Variants in ZPBP observed in about 807,000 individuals in gnomAD.
ZPBP encodes zona pellucida-binding protein 1.
ZPBP carries 26 observed loss-of-function variants against 44.8 expected under a neutral mutation model. The observed-to-expected ratio is 0.58, with a 90% CI of 0.43 to 0.81. The LOEUF (loss-of-function observed/expected upper bound fraction) is 0.81, where lower values mean the gene tolerates loss of function less well. Ranked by LOEUF, ZPBP falls within the 30% of genes least tolerant of loss-of-function variation. The pLI, the probability that ZPBP is intolerant of heterozygous loss-of-function variation, is 0.00. For synonymous variants in ZPBP, 174 were observed against 153.2 expected (o/e 1.14, Z -1.00); for missense variants, 409 against 434.0 (o/e 0.94, Z 0.51).
At chr7:49,913,150 TCTATC>T (rs1299084010) in intron 1 of ZPBP, 1 of 152,194 alleles carries the variant, frequency 6.6e-6, no homozygotes, top group Non-Finnish European at 1.5e-5. Flanking sequence ...ACTTGAGTCA[TCTATC>T]CTCCATAAAC....
Position 49,942,281 on chromosome 7 carries a change from A to G in ZPBP, c.962-4659T>C, listed in dbSNP as rs890126050. The G allele has an allele frequency of 3.7e-5, 8 of 218,892 alleles. No individual in the cohort carries two copies. In the East Asian group the frequency reaches 1.2e-3, roughly 34 times the overall value. The allele number at this position is 218,892 out of a possible 1,614,324, so 13.6% of individuals were successfully genotyped here. A position where few individuals can be genotyped will look rare whatever the true frequency, so the allele number is the denominator to read the frequency against. On this transcript the variant is annotated intron_variant, in intron 7 of 7. Coordinates refer to ENST00000046087, the MANE Select transcript of ZPBP (RefSeq NM_007009.3). ...ATCTGAATTTTTGTGTTTCTGCTTC[A>G]GTCCCTCTGAGTCATTGGTCTTCTT...
downstream of ZPBP, among the ~76,000 whole-genome samples, chr7:49,846,453 C>T (rs1194643430): frequency 6.6e-6 from 1 of 152,122 alleles, no homozygotes; most frequent in Non-Finnish European, 1.5e-5. Flanking sequence ...AAAGTTCTCC[C>T]TCACTTCCAC....
chr7:49,903,801 G>A (rs760545777), intron 1 of ZPBP, among the ~76,000 whole-genome samples: 7 of 152,248 alleles, frequency 4.6e-5, no homozygotes, highest in African/African-American at 7.2e-5. Flanking sequence ...GTTTGGGAGC[G>A]GAGGTTTAAT....
At chr7:49,886,059 G>C (rs1456819306) in intron 2 of ZPBP, among the ~76,000 whole-genome samples, 1 of 152,238 alleles carries the variant, frequency 6.6e-6, no homozygotes, top group Non-Finnish European at 1.5e-5. Context: ...GTGTGCAAGA[G>C]CCTGGAGATA....
chr7:49,940,829 TG>T, intron 7 of ZPBP: 4 of 984,524 alleles, frequency 4.1e-6, no homozygotes, highest in Non-Finnish European at 4.8e-6. Flanking sequence ...CCCATGCCTG[TG>T]GGATTGGTTT....
At chr7:50,028,522 G>A (rs1423441843) in intron 5 of ZPBP, among the ~76,000 whole-genome samples, 1 of 151,764 alleles carries the variant, frequency 6.6e-6, no homozygotes, top group Admixed American at 6.6e-5. Context: ...ATCCAGGGTG[G>A]AAAGTGTGAA....
chr7:50,080,893 C>T (rs1351297535), intron 3 of ZPBP, among the ~76,000 whole-genome samples: 1 of 151,650 alleles, frequency 6.6e-6, no homozygotes, highest in Non-Finnish European at 1.5e-5. Context: ...AAACCTAGCA[C>T]AGCGGCTTCC....
intron 6 of ZPBP, among the ~76,000 whole-genome samples, chr7:50,003,993 A>C (rs1246063015): frequency 6.6e-6 from 1 of 152,130 alleles, no homozygotes; most frequent in African/African-American, 2.4e-5. Flanking sequence ...GTTTATGAAC[A>C]AAATTAGAAT....
chr7:50,016,602 T>C (rs768693467), intron 6 of ZPBP, among the ~76,000 whole-genome samples: 9 of 152,116 alleles, frequency 5.9e-5, no homozygotes, highest in Non-Finnish European at 1.3e-4. Context: ...ATTATCACCT[T>C]GAGCCCACCA....
intron 6 of ZPBP, among the ~76,000 whole-genome samples, chr7:50,003,955 TGG>T (rs577932440): frequency 7.9e-4 from 120 of 152,254 alleles, no homozygotes; most frequent in Middle Eastern, 3.4e-3. Context: ...AAAGAGAACA[TGG>T]ATAGATGAAC....
At position 50,058,275 on chromosome 7, in the gene ZPBP, T is replaced by C. The variant is rs1456823085; in HGVS notation, c.335-134A>G. On this transcript the variant is annotated intron_variant, in intron 3 of 7. Transcript: ENST00000046087. ...AGGAGTGGGGGGCATAGCTAGGACA[T>C]TACATCTGGTATCTGCTAACAGTGG... The C allele has an allele frequency of 9.1e-6, 8 of 878,838 alleles. No individual in the cohort carries two copies. The Admixed American group carries it at 1.6e-4, about 17-fold the overall frequency. 54.4% of individuals were successfully genotyped at this position (878,838 alleles called of 1,614,324 possible).
intron 4 of ZPBP, among the ~76,000 whole-genome samples, chr7:50,048,813 C>G (rs12665918): frequency 0.18 from 27,778 of 151,552 alleles, 3,529 homozygotes; most frequent in East Asian, 0.62. Context: ...ATAAAACACG[C>G]AGAATGAATA....
chr7:49,918,790 C>G (rs934135861), intron 1 of ZPBP: 2 of 152,202 alleles, frequency 1.3e-5, no homozygotes, highest in African/African-American at 4.8e-5. Flanking sequence ...CAGTGATGGG[C>G]TGGGCGTGGT....
chr7:49,893,348 A>T (rs1792225362), intron 2 of ZPBP, among the ~76,000 whole-genome samples: 1 of 152,240 alleles, frequency 6.6e-6, no homozygotes, highest in African/African-American at 2.4e-5. Flanking sequence ...CCTGGGAGTC[A>T]CTGAGAAAGA....
intron 7 of ZPBP, among the ~76,000 whole-genome samples, chr7:49,982,226 T>C (rs1797027552): frequency 9.3e-6 from 1 of 107,628 alleles, no homozygotes; most frequent in South Asian, 2.4e-4. Context: ...ATGTAATATA[T>C]AATATATAAT....
chr7:49,894,784 T>C (rs1471000076), intron 2 of ZPBP, among the ~76,000 whole-genome samples: 1 of 152,112 alleles, frequency 6.6e-6, no homozygotes, highest in Admixed American at 6.5e-5. Context: ...GCCCAAGAGG[T>C]TCTAGCCAGA....
Position 50,070,484 on chromosome 7 carries a change from G to A in ZPBP, c.334+11290C>T, listed in dbSNP as rs574540691. 1.6e-4 allele frequency among the ~76,000 whole-genome samples: 24 copies of A among 152,310 alleles called. No individual in the cohort carries two copies. In the East Asian group the frequency reaches 4.4e-3, roughly 28 times the overall value. On this transcript the variant is annotated intron_variant, in intron 3 of 7. Coordinates refer to ENST00000046087, the MANE Select transcript of ZPBP (RefSeq NM_007009.3). ...TTCATCCGGGTGAAGCTCTCCCGTG[G>A]TGCGCCTTGGATGCTGGGTCTCACC...
At chr7:49,991,672 T>G (rs945969923) in intron 6 of ZPBP, among the ~76,000 whole-genome samples, 1 of 152,120 alleles carries the variant, frequency 6.6e-6, no homozygotes. Context: ...TTGAAATTAT[T>G]AGAGAGGTAA....
chr7:49,899,880 A>C (rs1012035839), intron 2 of ZPBP, among the ~76,000 whole-genome samples: 5 of 151,950 alleles, frequency 3.3e-5, no homozygotes, highest in African/African-American at 1.2e-4. Flanking sequence ...CATTATTCTC[A>C]AGATGATATG....
Sources: gnomAD v4.1 joint callset for allele counts (sites outside exome capture counted in the v4.1 genomes callset) on GRCh38, gnomAD v4.1.1 for gene constraint, MANE v1.5 for transcripts, NCBI Gene and HGNC (gene_info 2026-07-23, HGNC 2026-07-21) for gene names.